SMARCC1: variants seen among roughly 807,000 people sequenced by gnomAD.
SMARCC1 encodes the protein SWI/SNF complex subunit SMARCC1.
A neutral mutation model predicts 147.4 loss-of-function variants in SMARCC1; 43 were observed. The ratio of observed to expected loss-of-function variants is 0.29; its 90% CI spans 0.23 to 0.38. SMARCC1 has a LOEUF of 0.38. SMARCC1 is among the 10% of genes least tolerant of loss of function. The pLI is 1.00. For missense variants in SMARCC1, 1,119 were observed against 1,381.1 expected (o/e 0.81, Z 3.01); for synonymous variants, 495 against 484.4 (o/e 1.02, Z -0.29).
chr3:47,711,711 G>A (rs1001768707), intron 8 of SMARCC1, among the ~76,000 whole-genome samples: 2 of 152,162 alleles, frequency 1.3e-5, no homozygotes, highest in Non-Finnish European at 2.9e-5. Context: ...TACTAAACTG[G>A]TTATTTGGGA....
chr3:47,683,247 C>G (rs1005954395), intron 14 of SMARCC1, among the ~76,000 whole-genome samples: 1 of 151,938 alleles, frequency 6.6e-6, no homozygotes, highest in Non-Finnish European at 1.5e-5. Flanking sequence ...GGGGTTTCAC[C>G]GTGTTAGCCA....
chr3:47,611,693 G>A (rs996882360), intron 25 of SMARCC1, among the ~76,000 whole-genome samples: 1 of 152,162 alleles, frequency 6.6e-6, no homozygotes, highest in Non-Finnish European at 1.5e-5. Flanking sequence ...ATGAGAATTA[G>A]CCTAAAAATC....
intron 21 of SMARCC1, among the ~76,000 whole-genome samples, chr3:47,648,474 A>G (rs753801593): frequency 2.0e-5 from 3 of 152,028 alleles, no homozygotes; most frequent in Non-Finnish European, 4.4e-5. Flanking sequence ...GCAGCCTCGA[A>G]CTTCTGGGCT....
At chr3:47,609,528 G>T (rs1322393468) in intron 26 of SMARCC1, among the ~76,000 whole-genome samples, 1 of 151,930 alleles carries the variant, frequency 6.6e-6, no homozygotes, top group African/African-American at 2.4e-5. Flanking sequence ...ACTGGTTAGA[G>T]ATACATTTGA....
chr3:47,618,793 T>C (rs1329143937), intron 25 of SMARCC1, among the ~76,000 whole-genome samples: 1 of 152,050 alleles, frequency 6.6e-6, no homozygotes, highest in Non-Finnish European at 1.5e-5. Context: ...GGTTCATTCT[T>C]TGAAGAGAAA....
chr3:47,747,111 C>T (rs1430916354), intron 2 of SMARCC1, among the ~76,000 whole-genome samples: 1 of 151,648 alleles, frequency 6.6e-6, no homozygotes, highest in African/African-American at 2.4e-5. Context: ...GCTTGGGCAA[C>T]ACAGTGAGAT....
chr3:47,725,630 TTAG>T (rs1327814307), intron 6 of SMARCC1, among the ~76,000 whole-genome samples: 1 of 152,022 alleles, frequency 6.6e-6, no homozygotes, highest in African/African-American at 2.4e-5. Context: ...TTTTGTGTTT[TTAG>T]TAGAGACGGG....
intron 10 of SMARCC1, among the ~76,000 whole-genome samples, chr3:47,704,455 T>C (rs1056326324): frequency 7.2e-5 from 11 of 152,178 alleles, no homozygotes; most frequent in Admixed American, 2.6e-4. Flanking sequence ...GTAGAGGGTA[T>C]ATGTCACCAC....
At chr3:47,615,992 TATAA>T (rs1400553425) in intron 25 of SMARCC1, among the ~76,000 whole-genome samples, 1 of 152,152 alleles carries the variant, frequency 6.6e-6, no homozygotes, top group African/African-American at 2.4e-5. Flanking sequence ...CCTCTGAAGG[TATAA>T]AATTTCTATA....
At chr3:47,759,925 G>A (rs757085072) in intron 2 of SMARCC1, among the ~76,000 whole-genome samples, 5 of 150,688 alleles carry the variant, frequency 3.3e-5, no homozygotes, top group Admixed American at 6.6e-5. Context: ...CAACAAAAGC[G>A]AGACTCCATC....
At chr3:47,713,242 CGGGAGG>C (rs2034112280) in intron 8 of SMARCC1, among the ~76,000 whole-genome samples, 1 of 151,718 alleles carries the variant, frequency 6.6e-6, no homozygotes, top group African/African-American at 2.4e-5. Context: ...GGTGTGAACC[CGGGAGG>C]TGGAGCTTGC....
intron 2 of SMARCC1, among the ~76,000 whole-genome samples, chr3:47,751,664 C>T (rs748000648): frequency 2.6e-5 from 4 of 151,820 alleles, no homozygotes; most frequent in Admixed American, 1.3e-4. Flanking sequence ...CCCAGGAGTT[C>T]GAGACCCGCC....
intron 19 of SMARCC1, 23 bp downstream of exon 19, chr3:47,670,635 C>G: frequency 7.3e-7 from 1 of 1,373,422 alleles, no homozygotes; most frequent in Non-Finnish European, 1.0e-6. Flanking sequence ...TAGCACACAT[C>G]CCATATGCAT....
chr3:47,671,041 C>T (rs914179434), intron 18 of SMARCC1, among the ~76,000 whole-genome samples: 1 of 151,326 alleles, frequency 6.6e-6, no homozygotes, highest in African/African-American at 2.4e-5. Context: ...AAAAATTAGC[C>T]GAGAGTGGTG....
intron 24 of SMARCC1, among the ~76,000 whole-genome samples, chr3:47,633,817 C>CACACACAT (rs1406763088): frequency 4.2e-4 from 53 of 125,394 alleles, no homozygotes; most frequent in South Asian, 1.9e-3. Flanking sequence ...CACACACACA[C>CACACACAT]ATATATATAA....
At chr3:47,598,856 G>C (rs1337279219) in intron 26 of SMARCC1, among the ~76,000 whole-genome samples, 1 of 135,636 alleles carries the variant, frequency 7.4e-6, no homozygotes, top group Non-Finnish European at 1.6e-5. Context: ...AAAAAAGAGA[G>C]AGAGAGACAC....
At chr3:47,728,915 C>CA (rs2106820518) in intron 6 of SMARCC1, 110 bp downstream of exon 6, 1 of 660,986 alleles carries the variant, frequency 1.5e-6, no homozygotes, top group Non-Finnish European at 2.4e-6. Context: ...CAAAACAAAA[C>CA]AAAAACAAAT....
At chr3:47,755,989 T>TAAAAA (rs34001771) in intron 2 of SMARCC1, among the ~76,000 whole-genome samples, 2 of 22,910 alleles carry the variant, frequency 8.7e-5, no homozygotes, top group Non-Finnish European at 1.5e-4. Context: ...GGCTTCATCT[T>TAAAAA]AAAAAAAAAA....
In SMARCC1 at chr3:47,708,703, A is replaced by T. The variant is rs9968107; in HGVS notation, c.918+1980T>A. 5.6e-3 allele frequency among the ~76,000 whole-genome samples: 859 copies of T among 152,250 alleles called. 5 individuals are homozygous for T. The highest frequency in any genetic ancestry group is 0.02 in the African/African-American group (822 of 41,542). ...CATAAGACAGTGGTGGAAAAAAAAA[A>T]TTTTGAATAGTCCAATTCCAAAACA... On this transcript the variant is annotated intron_variant, in intron 9 of 27. Coordinates refer to ENST00000254480, the MANE Select transcript of SMARCC1 (RefSeq NM_003074.4).
Sources: gnomAD v4.1 joint callset for allele counts (sites outside exome capture counted in the v4.1 genomes callset) on GRCh38, gnomAD v4.1.1 for gene constraint, MANE v1.5 for transcripts, NCBI Gene and HGNC (gene_info 2026-07-23, HGNC 2026-07-21) for gene names.